Variants in SHTN1 observed in about 807,000 individuals in gnomAD.
The protein encoded by SHTN1 is shootin-1.
In SHTN1, 42 loss-of-function variants were observed where a neutral mutation model predicts 83.1. That is an observed-to-expected ratio of 0.51 (90% CI 0.39 to 0.65). SHTN1 has a LOEUF of 0.65. Among genes scored for constraint, SHTN1 ranks in the 30% least tolerant of loss-of-function variants. SHTN1 has a pLI of 0.00. For missense variants in SHTN1, 622 were observed against 737.8 expected (o/e 0.84, Z 1.82); for synonymous variants, 224 against 247.7 (o/e 0.90, Z 0.90).
intron 1 of SHTN1, among the ~76,000 whole-genome samples, chr10:116,983,232 GTGT>G (rs1159656399): frequency 2.6e-5 from 4 of 152,118 alleles, no homozygotes; most frequent in African/African-American, 9.7e-5. Context: ...ATCTCTCATA[GTGT>G]TGTTATTAAG....
At chr10:117,018,465 G>C (rs1021508516) in intron 2 of SHTN1, among the ~76,000 whole-genome samples, 1 of 148,300 alleles carries the variant, frequency 6.7e-6, no homozygotes, top group African/African-American at 2.5e-5. Flanking sequence ...GAAGTAGAAG[G>C]GAATCTACTC....
intron 1 of SHTN1, among the ~76,000 whole-genome samples, chr10:117,078,027 G>A (rs1360760928): frequency 6.6e-6 from 1 of 152,174 alleles, no homozygotes; most frequent in Non-Finnish European, 1.5e-5. Flanking sequence ...CAGCACTATA[G>A]ACATCTCAAC....
At chr10:116,965,573 G>T (rs1005229422) in intron 3 of SHTN1, among the ~76,000 whole-genome samples, 2 of 152,172 alleles carry the variant, frequency 1.3e-5, no homozygotes, top group Non-Finnish European at 2.9e-5. Context: ...TTTCAACTCA[G>T]CACCAAAAGA....
intron 2 of SHTN1, among the ~76,000 whole-genome samples, chr10:116,972,525 T>C (rs1850653266): frequency 6.6e-6 from 1 of 152,200 alleles, no homozygotes; most frequent in African/African-American, 2.4e-5. Flanking sequence ...CTTTCTCTCA[T>C]TCTATCAACA....
At chr10:117,020,897 T>C (rs1259687547) in intron 2 of SHTN1, among the ~76,000 whole-genome samples, 1 of 152,000 alleles carries the variant, frequency 6.6e-6, no homozygotes, top group Non-Finnish European at 1.5e-5. Flanking sequence ...TTGCAAGACA[T>C]ATATCTAAAA....
At chr10:117,059,251 G>A (rs1852867657) in intron 1 of SHTN1, among the ~76,000 whole-genome samples, 1 of 152,150 alleles carries the variant, frequency 6.6e-6, no homozygotes, top group South Asian at 2.1e-4. Context: ...CTCACACATT[G>A]CTGGTGAGAA....
intron 2 of SHTN1, among the ~76,000 whole-genome samples, chr10:116,976,648 C>T (rs1320673259): frequency 1.3e-5 from 2 of 152,164 alleles, no homozygotes; most frequent in Non-Finnish European, 2.9e-5. Flanking sequence ...TGCTGTTCTC[C>T]ATTTACCACC....
intron 2 of SHTN1, among the ~76,000 whole-genome samples, chr10:117,024,713 T>C (rs1852307573): frequency 1.3e-5 from 2 of 152,302 alleles, no homozygotes; most frequent in South Asian, 4.1e-4. Context: ...TATTGAACTA[T>C]AGTTGAGCTA....
chr10:117,021,983 T>C (rs1852269133), intron 2 of SHTN1, among the ~76,000 whole-genome samples: 2 of 152,296 alleles, frequency 1.3e-5, no homozygotes, highest in South Asian at 4.1e-4. Flanking sequence ...ATAATGTGGG[T>C]AGAACCTCAT....
chr10:116,991,176 A>T (rs1353774997), intron 1 of SHTN1, among the ~76,000 whole-genome samples: 2 of 148,352 alleles, frequency 1.3e-5, no homozygotes. Flanking sequence ...ACAGAGCAAG[A>T]CTCCGTCTCA....
At chr10:116,949,728 G>A (rs1849709848) in intron 6 of SHTN1, among the ~76,000 whole-genome samples, 1 of 151,966 alleles carries the variant, frequency 6.6e-6, no homozygotes, top group African/African-American at 2.4e-5. Context: ...AGATGAACAT[G>A]AACTTTTAAA....
chr10:116,965,636 C>CTTA (rs1366733317), intron 3 of SHTN1, among the ~76,000 whole-genome samples: 2 of 152,124 alleles, frequency 1.3e-5, no homozygotes, highest in African/African-American at 4.8e-5. Flanking sequence ...GAACTAACTC[C>CTTA]CTAAAGGTAA....
chr10:116,939,745 G>A (rs1357927382), intron 9 of SHTN1, among the ~76,000 whole-genome samples: 1 of 152,208 alleles, frequency 6.6e-6, no homozygotes, highest in Non-Finnish European at 1.5e-5. Context: ...TTGACAGGTG[G>A]TAACAAGTAG....
intron 7 of SHTN1, among the ~76,000 whole-genome samples, chr10:116,945,770 T>C (rs1849551580): frequency 6.6e-6 from 1 of 152,170 alleles, no homozygotes; most frequent in Non-Finnish European, 1.5e-5. Context: ...CCAGATGACA[T>C]GTCTAACATT....
intron 1 of SHTN1, among the ~76,000 whole-genome samples, chr10:117,106,990 T>C (rs1366866339): frequency 6.6e-6 from 1 of 152,198 alleles, no homozygotes; most frequent in African/African-American, 2.4e-5. Flanking sequence ...CTTAAAACAC[T>C]ACCTGACACA....
intron 1 of SHTN1, among the ~76,000 whole-genome samples, chr10:117,058,927 A>T (rs1852862963): frequency 6.6e-6 from 1 of 152,216 alleles, no homozygotes; most frequent in Non-Finnish European, 1.5e-5. Context: ...TGAGATACCT[A>T]GATAGTCATA....
chr10:117,093,346 C>T (rs1232715011), intron 1 of SHTN1, among the ~76,000 whole-genome samples: 1 of 152,016 alleles, frequency 6.6e-6, no homozygotes, highest in African/African-American at 2.4e-5. Flanking sequence ...ATCTTTCAAG[C>T]TCACACCAAC....
intron 14 of SHTN1, among the ~76,000 whole-genome samples, chr10:116,911,032 T>C (rs1848169260): frequency 6.6e-6 from 1 of 152,232 alleles, no homozygotes; most frequent in South Asian, 2.1e-4. Context: ...GTATTCAGTC[T>C]TGTACCTCCG....
intron 1 of SHTN1, among the ~76,000 whole-genome samples, chr10:117,114,188 G>T (rs1349709774): frequency 6.6e-6 from 1 of 152,202 alleles, no homozygotes; most frequent in Non-Finnish European, 1.5e-5. Flanking sequence ...CAGTCTGGGT[G>T]ATAGAGTGAA....
Sources: gnomAD v4.1 joint callset for allele counts (sites outside exome capture counted in the v4.1 genomes callset) on GRCh38, gnomAD v4.1.1 for gene constraint, MANE v1.5 for transcripts, NCBI Gene and HGNC (gene_info 2026-07-23, HGNC 2026-07-21) for gene names.